NBEA: variants seen among roughly 807,000 people sequenced by gnomAD.
The protein encoded by NBEA is lysosomal-trafficking regulator 2.
In NBEA, 44 loss-of-function variants were observed where a neutral mutation model predicts 343.4. That is an observed-to-expected ratio of 0.13 (90% CI 0.10 to 0.16). The LOEUF is 0.16. Among genes scored for constraint, NBEA ranks in the 10% least tolerant of loss-of-function variants. The probability of loss-of-function intolerance (pLI) is 1.00; values close to 1 mark genes in which losing one functional copy is unlikely to be tolerated. For synonymous variants in NBEA, 1,175 were observed against 1,238.7 expected (o/e 0.95, Z 1.08); for missense variants, 2,555 against 3,631.3 (o/e 0.70, Z 7.62).
At chr13:35,128,661 G>A (rs2067255430) in intron 17 of NBEA, among the ~76,000 whole-genome samples, 2 of 152,112 alleles carry the variant, frequency 1.3e-5, no homozygotes, top group African/African-American at 4.8e-5. Context: ...ACAGCCATGA[G>A]ATTTGACCTT....
chr13:35,628,093 G>C lies in NBEA; in HGVS notation c.7462G>C (p.Glu2488Gln). 2 of 1,611,900 alleles carry C rather than the reference G, an allele frequency of 1.2e-6. No homozygotes were observed. The highest frequency in any genetic ancestry group is 1.7e-6 in the Non-Finnish European group (2 of 1,178,894). The change falls in exon 49 of 59, where the codon GAA (glutamate) becomes CAA (glutamine). Residue 2488 changes from glutamate to glutamine, a missense_variant. Around this residue, in one of 21 missense-constraint regions of NBEA, gnomAD observed 11 missense variants for 33.2 expected, o/e 0.33. Coordinates refer to ENST00000379939, the MANE Select transcript of NBEA (RefSeq NM_001385012.1). ...VRINRMALES[E>Q]FVSCQLHQWI... ...TGACTCATTTCAGGCCCTAGAAAGTGAATTTGTTTCTTGCCAACTTCATCA... is the reference window on the plus strand; with the variant it reads ...TGACTCATTTCAGGCCCTAGAAAGTCAATTTGTTTCTTGCCAACTTCATCA...
intron 10 of NBEA, among the ~76,000 whole-genome samples, chr13:35,090,630 T>C (rs906168505): frequency 9.2e-5 from 14 of 151,902 alleles, no homozygotes; most frequent in African/African-American, 3.4e-4. Flanking sequence ...TGAACAACTC[T>C]GTCTAATTAG....
intron 8 of NBEA, among the ~76,000 whole-genome samples, chr13:35,061,304 G>A: frequency 1.3e-5 from 2 of 151,604 alleles, no homozygotes; most frequent in East Asian, 3.9e-4. Context: ...AAATCATTCA[G>A]TTTGGAAAAT....
chr13:35,124,898 C>T (rs1165942795), intron 17 of NBEA, among the ~76,000 whole-genome samples: 1 of 151,792 alleles, frequency 6.6e-6, no homozygotes, highest in Non-Finnish European at 1.5e-5. Flanking sequence ...AGCATATGCC[C>T]TTTTTATATT....
At chr13:35,402,831 G>A (rs866597747) in intron 38 of NBEA, among the ~76,000 whole-genome samples, 2 of 152,152 alleles carry the variant, frequency 1.3e-5, no homozygotes, top group Middle Eastern at 3.4e-3. Context: ...CTTCACGAAG[G>A]CAGACTAAAT....
intron 47 of NBEA, among the ~76,000 whole-genome samples, chr13:35,601,179 CAAA>C (rs34151272): frequency 1.4e-5 from 2 of 146,666 alleles, no homozygotes. Context: ...TGCATCTCAA[CAAA>C]AAAAAAAAAA....
In NBEA at chr13:35,310,182, G is replaced by A. The variant is rs375283563; in HGVS notation, c.5903+590G>A. 1.2e-4 allele frequency among the ~76,000 whole-genome samples: 18 copies of A among 151,916 alleles called. 1 individual carries two copies. Among genetic ancestry groups the A allele is most frequent in the African/African-American group, 2.7e-4 (11 of 41,440 alleles). ...GAAAGGAAGAAACTACAGAATGCACGGTTTCAGAAAGCTATTTTAAGTTAT... is the reference window on the plus strand; with the variant it reads ...GAAAGGAAGAAACTACAGAATGCACAGTTTCAGAAAGCTATTTTAAGTTAT... On this transcript the variant is annotated intron_variant, in intron 36 of 58. Transcript: ENST00000379939.
At chr13:34,996,695 A>G (rs1362917848) in intron 1 of NBEA, among the ~76,000 whole-genome samples, 5 of 152,090 alleles carry the variant, frequency 3.3e-5, no homozygotes, top group Non-Finnish European at 7.4e-5. Flanking sequence ...AAACATGGGA[A>G]AATCATATTT....
intron 41 of NBEA, chr13:35,475,469 A>T (rs1594757929): frequency 6.2e-7 from 1 of 1,612,266 alleles, no homozygotes; most frequent in Admixed American, 1.7e-5. Flanking sequence ...CTCTCCGCCG[A>T]GCTCTGCTTG....
chr13:35,265,215 A>G (rs1294979226), intron 34 of NBEA, among the ~76,000 whole-genome samples: 2 of 151,856 alleles, frequency 1.3e-5, no homozygotes, highest in Non-Finnish European at 3.0e-5. Flanking sequence ...TAAAACATAG[A>G]TGAAAGAAAT....
intron 1 of NBEA, among the ~76,000 whole-genome samples, chr13:34,971,136 A>G (rs968900087): frequency 2.0e-5 from 3 of 149,656 alleles, no homozygotes; most frequent in Non-Finnish European, 4.5e-5. Context: ...TTTTTGTGGC[A>G]ATTGTGAGTG....
At position 35,461,805 on chromosome 13, in the gene NBEA, A is replaced by G. The variant is rs536760572; in HGVS notation, c.6448+9570A>G. Reference sequence around the variant, plus strand: ...CAGAAGGATCAATAAGTCTTTCTGCATACTGAAAATATTTTGTTTAATTAG... The same window carrying G: ...CAGAAGGATCAATAAGTCTTTCTGCGTACTGAAAATATTTTGTTTAATTAG... On this transcript the variant is annotated intron_variant, in intron 40 of 58. Transcript: ENST00000379939. Among the ~76,000 whole-genome samples, 12 of 152,356 alleles carry G rather than the reference A, an allele frequency of 7.9e-5. No individual in the cohort carries two copies. In the South Asian group the frequency reaches 2.5e-3, roughly 32 times the overall value.
chr13:35,424,079 A>G (rs888025641), intron 38 of NBEA, among the ~76,000 whole-genome samples: 4 of 152,186 alleles, frequency 2.6e-5, no homozygotes, highest in Non-Finnish European at 5.9e-5. Flanking sequence ...CTAGATATAC[A>G]ATCATGTCAT....
intron 34 of NBEA, among the ~76,000 whole-genome samples, chr13:35,247,021 A>C (rs897416200): frequency 1.1e-4 from 16 of 151,898 alleles, no homozygotes; most frequent in African/African-American, 3.9e-4. Context: ...TCCCAGGAGG[A>C]TTATGGCTGC....
intron 33 of NBEA, among the ~76,000 whole-genome samples, chr13:35,213,280 G>C (rs1010050588): frequency 6.6e-6 from 1 of 151,964 alleles, no homozygotes; most frequent in Non-Finnish European, 1.5e-5. Flanking sequence ...ATATACACTT[G>C]ATTATGGTTC....
At chr13:35,413,927 C>A (rs1483649142) in intron 38 of NBEA, among the ~76,000 whole-genome samples, 1 of 152,096 alleles carries the variant, frequency 6.6e-6, no homozygotes, top group Non-Finnish European at 1.5e-5. Flanking sequence ...CTGGAGGTAT[C>A]ATACATGAGA....
chr13:35,634,526 A>G (rs1566439113), intron 49 of NBEA, among the ~76,000 whole-genome samples: 1 of 152,238 alleles, frequency 6.6e-6, no homozygotes. Context: ...TGAACTTGTC[A>G]TAATACTTGT....
intron 35 of NBEA, among the ~76,000 whole-genome samples, chr13:35,309,146 GT>G (rs1347820706): frequency 6.6e-6 from 1 of 151,920 alleles, no homozygotes; most frequent in African/African-American, 2.4e-5. Context: ...TTATCTTAAT[GT>G]AAAATTTCTA....
chr13:35,362,156 G>T (rs2040844008), intron 38 of NBEA, among the ~76,000 whole-genome samples: 1 of 151,846 alleles, frequency 6.6e-6, no homozygotes, highest in Non-Finnish European at 1.5e-5. Context: ...TATATTTATT[G>T]TAAAGATTTC....
Sources: gnomAD v4.1 joint callset for allele counts (sites outside exome capture counted in the v4.1 genomes callset) on GRCh38, gnomAD v4.1.1 for gene constraint, gnomAD v4.1.1 regional missense constraint, MANE v1.5 for transcripts, NCBI Gene and HGNC (gene_info 2026-07-23, HGNC 2026-07-21) for gene names.